The following ZC3H12B variants were observed in gnomAD, a reference collection of about 807,000 sequenced individuals.
ZC3H12B encodes zinc finger CCCH-type containing 12B.
A neutral mutation model predicts 43.9 loss-of-function variants in ZC3H12B; 7 were observed. The ratio of observed to expected loss-of-function variants is 0.16; its 90% CI spans 0.09 to 0.30. ZC3H12B has a LOEUF of 0.30. Ranked by LOEUF, ZC3H12B falls within the 10% of genes least tolerant of loss-of-function variation. The pLI is 1.00. For missense variants in ZC3H12B, 475 were observed against 670.2 expected, an observed-to-expected ratio of 0.71 and a Z score of 3.22; for synonymous variants, 222 against 241.7, an observed-to-expected ratio of 0.92 and a Z score of 0.76.
intron 3 of ZC3H12B, among the ~76,000 whole-genome samples, chrX:65,422,832 G>C (rs1318398817): frequency 1.8e-5 from 2 of 108,453 alleles, no homozygotes; most frequent in Non-Finnish European, 3.8e-5. Context: ...ATGCTTTCCA[G>C]CTTCATCCAT....
intron 3 of ZC3H12B, among the ~76,000 whole-genome samples, chrX:65,472,778 T>C (rs1057104141): frequency 4.5e-4 from 43 of 96,134 alleles, no homozygotes; most frequent in African/African-American, 1.1e-3. Context: ...TTTTGGCCTA[T>C]GTTTGTTTTT....
chrX:65,086,107 T>G, the ZC3H12B span, among the ~76,000 whole-genome samples: 3 of 108,951 alleles, frequency 2.8e-5, no homozygotes, highest in African/African-American at 1.0e-4. Flanking sequence ...TTATCTGTCA[T>G]GTCTTTTTGG....
the ZC3H12B span, among the ~76,000 whole-genome samples, chrX:65,199,970 A>G: frequency 5.4e-5 from 6 of 110,948 alleles, no homozygotes; most frequent in Admixed American, 4.8e-4. Flanking sequence ...ATACCCAGTA[A>G]TGGCATTTCT....
chrX:65,247,811 G>C, the ZC3H12B span, among the ~76,000 whole-genome samples: 2 of 111,497 alleles, frequency 1.8e-5, no homozygotes, highest in African/African-American at 3.3e-5. Flanking sequence ...GGGATGATCC[G>C]TGCAGCAAAC....
chrX:65,143,060 G>A, the ZC3H12B span, among the ~76,000 whole-genome samples: 3 of 110,286 alleles, frequency 2.7e-5, no homozygotes, highest in Non-Finnish European at 5.7e-5. Flanking sequence ...TATTTTGATG[G>A]GAATTGTGTT....
chrX:65,468,860 T>C (rs2067865123), intron 3 of ZC3H12B, among the ~76,000 whole-genome samples: 1 of 109,604 alleles, frequency 9.1e-6, no homozygotes, highest in African/African-American at 3.3e-5. Context: ...TTTCTCTCTT[T>C]TTTTTTCCTT....
rs183191098 is a variant in ZC3H12B at position 65,372,158 on chromosome X, T to C, written n.295+3160T>C. Among the ~76,000 whole-genome samples, 7 of 112,100 alleles carry C rather than the reference T, an allele frequency of 6.2e-5. No individual in the cohort carries two copies. The East Asian group carries it at 1.9e-3, about 31-fold the overall frequency. On this transcript the variant is annotated intron_variant and non_coding_transcript_variant, in intron 2 of 5. Coordinates refer to the ZC3H12B transcript ENST00000617377. Reference sequence around the variant, plus strand: ...ATTTCCCTTTTTGACAAATAAATGATTTGTGAAGATGGAAGCCATTAACTT... The same window carrying C: ...ATTTCCCTTTTTGACAAATAAATGACTTGTGAAGATGGAAGCCATTAACTT...
the ZC3H12B span, among the ~76,000 whole-genome samples, chrX:65,104,742 A>G: frequency 1.8e-5 from 2 of 112,000 alleles, no homozygotes; most frequent in Admixed American, 9.5e-5. Context: ...GATCATTAAA[A>G]GTCTGGAAAC....
chrX:65,312,485 A>C, the ZC3H12B span, among the ~76,000 whole-genome samples: 1 of 107,339 alleles, frequency 9.3e-6, no homozygotes, highest in African/African-American at 3.7e-5. Context: ...AAAAACTGTG[A>C]GGAAAAACCC....
chrX:65,293,637 G>A, the ZC3H12B span, among the ~76,000 whole-genome samples: 3 of 108,640 alleles, frequency 2.8e-5, no homozygotes, highest in African/African-American at 6.7e-5. Flanking sequence ...AAAATTTCCC[G>A]AGAAATACAT....
chrX:65,263,677 G>A, the ZC3H12B span, among the ~76,000 whole-genome samples: 49 of 111,139 alleles, frequency 4.4e-4, 1 homozygote, highest in South Asian at 0.016. Context: ...GATATTACAG[G>A]GATATGGCCT....
chrX:65,398,472 T>C lies in ZC3H12B; in HGVS notation n.296-121T>C, dbSNP rs1031560013. 5 of 111,729 alleles carry C rather than the reference T, an allele frequency of 4.5e-5. No homozygotes were observed. In the East Asian group the frequency reaches 1.4e-3, roughly 31 times the overall value. The allele number at this position is 111,729 out of a possible 1,213,427, so 9.2% of individuals were successfully genotyped here. A position where few individuals can be genotyped will look rare whatever the true frequency, so the allele number is the denominator to read the frequency against. ...GGGAAGGGACCTGGTGGGAGGTAAT[T>C]AGATCATTGGGGTGGATTTTCCCCA... On this transcript the variant is annotated intron_variant and non_coding_transcript_variant, in intron 2 of 5. Transcript: ENST00000617377.
the ZC3H12B span, among the ~76,000 whole-genome samples, chrX:65,082,107 G>A: frequency 9.0e-6 from 1 of 111,701 alleles, no homozygotes; most frequent in Non-Finnish European, 1.9e-5. Context: ...CAAAACCTAT[G>A]TGATACAGCA....
chrX:65,100,815 C>G, the ZC3H12B span, among the ~76,000 whole-genome samples: 2 of 110,621 alleles, frequency 1.8e-5, no homozygotes, highest in Middle Eastern at 9.5e-3. Context: ...GACTATAACA[C>G]CCCACTGTCA....
the ZC3H12B span, among the ~76,000 whole-genome samples, chrX:65,270,000 C>G: frequency 1.8e-5 from 2 of 111,516 alleles, no homozygotes; most frequent in Admixed American, 9.5e-5. Flanking sequence ...TATCAAATCT[C>G]CATGTTGTTT....
chrX:65,322,949 C>T, the ZC3H12B span, among the ~76,000 whole-genome samples: 2 of 110,946 alleles, frequency 1.8e-5, no homozygotes, highest in African/African-American at 3.3e-5. Flanking sequence ...AAATTTATTT[C>T]TAAGTATTAT....
chrX:65,064,391 G>A, the ZC3H12B span, among the ~76,000 whole-genome samples: 1 of 111,808 alleles, frequency 8.9e-6, no homozygotes, highest in Non-Finnish European at 1.9e-5. Context: ...TCTTATTTCT[G>A]CCTTAATTTC....
the ZC3H12B span, among the ~76,000 whole-genome samples, chrX:65,311,085 G>T: frequency 8.9e-6 from 1 of 111,798 alleles, no homozygotes; most frequent in Non-Finnish European, 1.9e-5. Flanking sequence ...CATAGGCATG[G>T]GCAAGGACTT....
intron 2 of ZC3H12B, among the ~76,000 whole-genome samples, chrX:65,384,572 C>T (rs185799300): frequency 1.3e-4 from 14 of 110,341 alleles, no homozygotes; most frequent in African/African-American, 2.6e-4. Context: ...AAAAGTTAAC[C>T]TTTTATGGTT....
Sources: allele counts gnomAD v4.1 joint callset (sites outside exome capture counted in the v4.1 genomes callset), GRCh38; gene constraint gnomAD v4.1.1; transcripts MANE v1.5; gene names NCBI Gene and HGNC (gene_info 2026-07-23, HGNC 2026-07-21).